The following TRIM61 variants were observed in gnomAD, a reference collection of about 807,000 sequenced individuals.
TRIM61 encodes tripartite motif containing 61.
Under a neutral mutation model 14.2 loss-of-function variants are expected in TRIM61, and 1 was observed. That is an observed-to-expected ratio of 0.07 (90% CI 0.03 to 0.33). TRIM61 has a LOEUF of 0.33. TRIM61 is among the 10% of genes least tolerant of loss of function. The pLI is 0.99. For missense variants in TRIM61, 19 were observed against 202.2 expected, an observed-to-expected ratio of 0.09 and a Z score of 5.49; for synonymous variants, 8 against 71.6, an observed-to-expected ratio of 0.11 and a Z score of 4.49.
chr4:164,968,253 C>A (rs1157958667), intron 3 of TRIM61, 28 bp downstream of exon 3: 2 of 976,426 alleles, frequency 2.0e-6, no homozygotes, highest in Admixed American at 6.4e-5. Flanking sequence ...AAGACTTAAT[C>A]TTTCTTAAAG....
intron 3 of TRIM61, chr4:164,969,339 T>C: frequency 2.6e-6 from 4 of 1,523,638 alleles, no homozygotes; most frequent in East Asian, 4.5e-5. Context: ...TCTGAAAATT[T>C]TGTTAGGCTT....
At position 164,970,091 on chromosome 4, in the gene TRIM61, A is replaced by G. The variant is rs1472343223; in HGVS notation, c.-89T>C. On this transcript the variant is annotated 5_prime_UTR_variant, in exon 3 of 5. Coordinates refer to ENST00000329314, the MANE Select transcript of TRIM61 (RefSeq NM_001012414.3). ...GAGCTCAAGACCCAGTACACAGTGGATATACTCCCCAGACCTTGAAATCTG... is the reference window on the plus strand; with the variant it reads ...GAGCTCAAGACCCAGTACACAGTGGGTATACTCCCCAGACCTTGAAATCTG... 18 of 1,308,996 alleles carry G rather than the reference A, an allele frequency of 1.4e-5. No individual in the cohort carries two copies. Among genetic ancestry groups the G allele is most frequent in the Middle Eastern group, 3.7e-4 (2 of 5,344 alleles). The allele number at this position is 1,308,996 out of a possible 1,614,324, so 81.1% of individuals were successfully genotyped here.
chr4:164,955,392 C>T (rs988062969), intron 3 of TRIM61, among the ~76,000 whole-genome samples: 3 of 151,678 alleles, frequency 2.0e-5, no homozygotes, highest in Admixed American at 2.0e-4. Context: ...TGTGCCACAC[C>T]AAATCCTATG....
chr4:164,965,363 G>A (rs751065782), intron 3 of TRIM61, among the ~76,000 whole-genome samples: 8 of 151,462 alleles, frequency 5.3e-5, no homozygotes, highest in Non-Finnish European at 8.8e-5. Flanking sequence ...CCATTATAAC[G>A]CCAGCTGACC....
intron 3 of TRIM61, chr4:164,968,335 T>A: frequency 4.1e-6 from 4 of 966,226 alleles, no homozygotes; most frequent in Non-Finnish European, 4.9e-6. Context: ...ATAGATTTTC[T>A]TACATAATAC....
At chr4:164,966,655 G>C (rs1732249709) in intron 3 of TRIM61, among the ~76,000 whole-genome samples, 1 of 152,190 alleles carries the variant, frequency 6.6e-6, no homozygotes, top group African/African-American at 2.4e-5. Flanking sequence ...GTTCATGTCT[G>C]TAATTCCAGC....
intron 3 of TRIM61, chr4:164,968,539 T>C (rs1732290626): frequency 1.0e-6 from 1 of 985,700 alleles, no homozygotes; most frequent in Non-Finnish European, 1.2e-6. Flanking sequence ...CTAGATTCAC[T>C]GGCTCAGTTA....
chr4:164,962,729 T>C (rs1732164500), intron 3 of TRIM61, among the ~76,000 whole-genome samples: 1 of 145,340 alleles, frequency 6.9e-6, no homozygotes, highest in Non-Finnish European at 1.5e-5. Flanking sequence ...CAAAGGAATA[T>C]TATATATGTC....
chr4:164,976,277 CA>C (rs1482082481), intron 2 of TRIM61, among the ~76,000 whole-genome samples: 1 of 152,098 alleles, frequency 6.6e-6, no homozygotes, highest in Admixed American at 6.5e-5. Context: ...CCCCTGGGCC[CA>C]CTGTTGTTTC....
At chr4:164,969,329 T>C (rs1288887128) in intron 3 of TRIM61, 1 of 1,503,466 alleles carries the variant, frequency 6.7e-7, no homozygotes, top group African/African-American at 1.4e-5. Flanking sequence ...GGAGGTATAA[T>C]CTGAAAATTT....
intron 2 of TRIM61, among the ~76,000 whole-genome samples, chr4:164,975,760 C>T (rs1004618324): frequency 1.1e-4 from 16 of 147,664 alleles, no homozygotes; most frequent in Admixed American, 5.6e-4. Context: ...GAAATATGGC[C>T]TCGTGGGATG....
chr4:164,955,389 C>A (rs924844262), intron 3 of TRIM61, among the ~76,000 whole-genome samples: 9 of 151,904 alleles, frequency 5.9e-5, no homozygotes, highest in Non-Finnish European at 1.0e-4. Context: ...TTCTGTGCCA[C>A]ACCAAATCCT....
intron 3 of TRIM61, chr4:164,956,982 C>T (rs970508208): frequency 6.9e-6 from 10 of 1,449,466 alleles, no homozygotes; most frequent in South Asian, 2.9e-5. Context: ...GAAGGTGTGG[C>T]GCGACGTTGG....
intron 3 of TRIM61, among the ~76,000 whole-genome samples, chr4:164,960,887 G>A (rs999483760): frequency 1.4e-4 from 21 of 151,906 alleles, no homozygotes; most frequent in African/African-American, 4.8e-4. Flanking sequence ...GGAAGCGGAG[G>A]TCGTAGTGAG....
intron 3 of TRIM61, among the ~76,000 whole-genome samples, chr4:164,967,917 C>T (rs1367635691): frequency 4.0e-5 from 6 of 151,662 alleles, no homozygotes; most frequent in East Asian, 1.9e-4. Flanking sequence ...TTTGGGAGGC[C>T]GAGGCAGGTG....
At chr4:164,958,247 G>A (rs560935761) in intron 3 of TRIM61, 2 of 167,026 alleles carry the variant, frequency 1.2e-5, no homozygotes, top group Non-Finnish European at 2.9e-5. Context: ...TAATAACTTT[G>A]CCAAAGTAAT....
chr4:164,973,196 A>C (rs1386357496), intron 2 of TRIM61, among the ~76,000 whole-genome samples: 1 of 152,230 alleles, frequency 6.6e-6, no homozygotes, highest in Non-Finnish European at 1.5e-5. Flanking sequence ...CAATTAAACC[A>C]TCAGAACAAC....
At chr4:164,975,117 G>A (rs1732454312) in intron 2 of TRIM61, among the ~76,000 whole-genome samples, 1 of 151,966 alleles carries the variant, frequency 6.6e-6, no homozygotes, top group Non-Finnish European at 1.5e-5. Flanking sequence ...TGTAGTCCCA[G>A]CTACTTGGGA....
At chr4:164,969,250 A>C (rs1390256435) in intron 3 of TRIM61, 1 of 1,406,680 alleles carries the variant, frequency 7.1e-7, no homozygotes, top group African/African-American at 1.5e-5. Flanking sequence ...TATCCTTAAC[A>C]TTTGCCAGTA....
Sources: allele counts gnomAD v4.1 joint callset (sites outside exome capture counted in the v4.1 genomes callset), GRCh38; gene constraint gnomAD v4.1.1; transcripts MANE v1.5; gene names NCBI Gene and HGNC (gene_info 2026-07-23, HGNC 2026-07-21).